RPRD1B: variants seen among roughly 807,000 people sequenced by gnomAD.
The protein encoded by RPRD1B is regulation of nuclear pre-mRNA domain-containing protein 1B.
A neutral mutation model predicts 41.5 loss-of-function variants in RPRD1B; 11 were observed. The observed-to-expected ratio is 0.27, with a 90% confidence interval of 0.17 to 0.44. The LOEUF (loss-of-function observed/expected upper bound fraction) is 0.44. Ranked by LOEUF, RPRD1B falls within the 20% of genes least tolerant of loss-of-function variation. The pLI, the probability that RPRD1B is intolerant of heterozygous loss-of-function variation, is 1.00. For synonymous variants in RPRD1B, 158 were observed against 155.6 expected (o/e 1.02, Z -0.12); for missense variants, 248 against 389.9 (o/e 0.64, Z 3.06).
In RPRD1B at chr20:38,041,589, CAG is replaced by C. The variant is rs1416757432; in HGVS notation, c.281+1028_281+1029del. On this transcript the variant is annotated intron_variant, in intron 2 of 6. Transcript: ENST00000373433. ...TGAAAAAAATACTGAATCTTCATAACAGAGTAAGCTTAGAACAGACTACTAGA... is the reference window on the plus strand; with the variant it reads ...TGAAAAAAATACTGAATCTTCATAACAGTAAGCTTAGAACAGACTACTAGA... Among the ~76,000 whole-genome samples the C allele has an allele frequency of 5.9e-5, 9 of 152,248 alleles. No homozygotes were observed. In the South Asian group the frequency reaches 1.9e-3, roughly 32 times the overall value.
chr20:38,047,167 T>C (rs1185845286), intron 2 of RPRD1B, among the ~76,000 whole-genome samples: 4 of 152,198 alleles, frequency 2.6e-5, no homozygotes, highest in Non-Finnish European at 5.9e-5. Context: ...TTTATAAAAT[T>C]AGCAGTAGAA....
At chr20:38,072,007 T>G (rs2074417347) in intron 6 of RPRD1B, among the ~76,000 whole-genome samples, 1 of 152,170 alleles carries the variant, frequency 6.6e-6, no homozygotes, top group Non-Finnish European at 1.5e-5. Flanking sequence ...TGTGCAAAAG[T>G]TTTTTATTTT....
chr20:38,038,476 A>ATTTT (rs1287729946), intron 1 of RPRD1B, among the ~76,000 whole-genome samples: 1 of 85,776 alleles, frequency 1.2e-5, no homozygotes, highest in African/African-American at 5.1e-5. Flanking sequence ...CGCCCGGCTG[A>ATTTT]TTTTTTTTGT....
chr20:38,087,017 C>G (rs1259795335), intron 6 of RPRD1B, among the ~76,000 whole-genome samples: 1 of 151,920 alleles, frequency 6.6e-6, no homozygotes, highest in African/African-American at 2.4e-5. Flanking sequence ...AGTGCAGTGA[C>G]ACAATCTCAG....
intron 6 of RPRD1B, among the ~76,000 whole-genome samples, chr20:38,076,744 CT>C (rs1369603694): frequency 2.2e-4 from 34 of 151,664 alleles, no homozygotes; most frequent in Non-Finnish European, 4.6e-4. Flanking sequence ...CTTTTTGGCC[CT>C]GTCTGCAGCA....
At chr20:38,068,699 C>G (rs998768054) in intron 6 of RPRD1B, among the ~76,000 whole-genome samples, 1 of 152,198 alleles carries the variant, frequency 6.6e-6, no homozygotes, top group African/African-American at 2.4e-5. Flanking sequence ...TTTATCCACG[C>G]TTGCTAAAAA....
chr20:38,038,048 C>T (rs796407510), intron 1 of RPRD1B, among the ~76,000 whole-genome samples: 15 of 152,238 alleles, frequency 9.9e-5, no homozygotes, highest in African/African-American at 3.6e-4. Flanking sequence ...ATAATCATAC[C>T]TTTGTAGCAA....
chr20:38,077,632 A>G (rs1364845786), intron 6 of RPRD1B, among the ~76,000 whole-genome samples: 3 of 151,908 alleles, frequency 2.0e-5, no homozygotes, highest in African/African-American at 4.8e-5. Context: ...GCTCCCTCTC[A>G]ATTTTTCATG....
At chr20:38,034,332 T>C (rs1368423022) in intron 1 of RPRD1B, among the ~76,000 whole-genome samples, 1 of 152,166 alleles carries the variant, frequency 6.6e-6, no homozygotes, top group African/African-American at 2.4e-5. Context: ...GACTTCTAGT[T>C]CATCAAGCCA....
intron 6 of RPRD1B, among the ~76,000 whole-genome samples, chr20:38,074,169 A>C (rs983652548): frequency 5.3e-5 from 8 of 150,750 alleles, no homozygotes; most frequent in South Asian, 2.1e-4. Context: ...CTTTTCTTTT[A>C]TTTTCTTTTT....
chr20:38,061,720 G>GACT (rs2074299527), intron 5 of RPRD1B, among the ~76,000 whole-genome samples: 1 of 152,280 alleles, frequency 6.6e-6, no homozygotes, highest in Admixed American at 6.5e-5. Flanking sequence ...AGTTGCTGAT[G>GACT]ACTTCCTTGT....
At position 38,057,634 on chromosome 20, in the gene RPRD1B, G is replaced by A. The variant is rs1295883432; in HGVS notation, c.518G>A (p.Gly173Glu). Residue 173 changes from glycine (G) to glutamate (E), a missense_variant, in exon 4 of 7, where the codon GGA (glycine) becomes GAA (glutamate). By Grantham distance (98) the Gly-to-Glu change is moderately conservative. Transcript: ENST00000373433. ...TACTCTCCTCAGGATCCTTCTGCAG[G>A]ACCCCTCTTGGTAGGTCTTGACCCC... ...GSYSPQDPSA[G>E]PLLTEELIKA... is the part of the protein sequence containing the mutation. 5.6e-6 allele frequency: 9 copies of A among 1,612,490 alleles called. No individual in the cohort carries two copies. The highest frequency in any genetic ancestry group is 7.6e-6 in the Non-Finnish European group (9 of 1,178,534).
chr20:38,035,768 G>GTTT (rs5841283), intron 1 of RPRD1B, among the ~76,000 whole-genome samples: 1 of 142,348 alleles, frequency 7.0e-6, no homozygotes, highest in Non-Finnish European at 1.5e-5. Context: ...CATTTTTTTT[G>GTTT]TTTTTTTTTT....
intron 2 of RPRD1B, among the ~76,000 whole-genome samples, chr20:38,041,843 A>G (rs571760998): frequency 2.0e-5 from 3 of 152,350 alleles, no homozygotes; most frequent in Non-Finnish European, 4.4e-5. Context: ...ATGTAGTACA[A>G]TGCCTGTTCC....
chr20:38,076,906 C>CGT (rs2074466082), intron 6 of RPRD1B, among the ~76,000 whole-genome samples: 2 of 63,510 alleles, frequency 3.1e-5, no homozygotes, highest in Non-Finnish European at 5.5e-5. Context: ...CATTCTGGAC[C>CGT]TTTTTTTTTT....
At chr20:38,054,331 TAGG>T (rs1344307935) in intron 3 of RPRD1B, among the ~76,000 whole-genome samples, 2 of 152,082 alleles carry the variant, frequency 1.3e-5, no homozygotes, top group Non-Finnish European at 2.9e-5. Flanking sequence ...CAAATGGAAA[TAGG>T]AGGAAACTGG....
intron 3 of RPRD1B, among the ~76,000 whole-genome samples, chr20:38,056,378 A>C (rs1461074332): frequency 6.6e-6 from 1 of 152,112 alleles, no homozygotes. Context: ...GCAAGAGAGC[A>C]AAAACTCCAT....
At position 38,092,071 on chromosome 20, in the gene RPRD1B, T is replaced by C. The variant is rs1296626355; in HGVS notation, c.*2196T>C. 3 of 985,698 alleles carry C rather than the reference T, an allele frequency of 3.0e-6. No individual in the cohort carries two copies. The highest frequency in any genetic ancestry group is 3.6e-6 in the Non-Finnish European group (3 of 829,926). 61.1% of individuals were successfully genotyped at this position (985,698 alleles called of 1,614,324 possible). On this transcript the variant is annotated 3_prime_UTR_variant, in exon 7 of 7. Transcript: ENST00000373433. ...TTTAATTTAAATGAACTTTCCTCCT[T>C]GTATGTATGAGGTGACTTGGTGGGT...
At chr20:38,049,049 G>C (rs963946317) in intron 3 of RPRD1B, among the ~76,000 whole-genome samples, 1 of 150,356 alleles carries the variant, frequency 6.7e-6, no homozygotes, top group Admixed American at 6.6e-5. Flanking sequence ...TCCTGGGTTC[G>C]AGCCATTCTC....
Sources: allele counts gnomAD v4.1 joint callset (sites outside exome capture counted in the v4.1 genomes callset), GRCh38; gene constraint gnomAD v4.1.1; transcripts MANE v1.5; gene names NCBI Gene and HGNC (gene_info 2026-07-23, HGNC 2026-07-21).